Variants in CERS3 observed in about 807,000 individuals in gnomAD.
The protein encoded by CERS3 is LAG1 homolog, ceramide synthase 3.
CERS3 carries 33 observed loss-of-function variants against 50.3 expected under a neutral mutation model. The ratio of observed to expected loss-of-function variants is 0.66; its 90% CI spans 0.50 to 0.88. The LOEUF is 0.88. Ranked by LOEUF, CERS3 falls within the 40% of genes least tolerant of loss-of-function variation. CERS3 has a pLI of 0.00. For synonymous variants in CERS3, 176 were observed against 155.2 expected (o/e 1.13, Z -0.99); for missense variants, 470 against 460.3 (o/e 1.02, Z -0.19).
intron 11 of CERS3, among the ~76,000 whole-genome samples, chr15:100,407,891 G>A (rs2031176315): frequency 6.6e-6 from 1 of 152,060 alleles, no homozygotes; most frequent in African/African-American, 2.4e-5. Flanking sequence ...TTTATTTTGA[G>A]ACGGAGTTTT....
At chr15:100,497,947 G>A (rs113294303) in intron 3 of CERS3, among the ~76,000 whole-genome samples, 171 of 149,090 alleles carry the variant, frequency 1.1e-3, no homozygotes, top group African/African-American at 4.0e-3. Flanking sequence ...AGGCTGGAGT[G>A]CAGTGGCGTG....
chr15:100,480,009 C>T lies in CERS3; in HGVS notation c.445G>A (p.Gly149Arg). ...CTTACATCATAAAGAAACGCAATTC[C>T]AGCAACAGTGATCATTAAGTAAAAT... ...FAFYLMITVA[G>R]IAFLYDKPWL... The change falls in exon 6 of 12, where the codon GGA becomes AGA. Residue 149 changes from glycine to arginine, a missense_variant. Physicochemically the swap from Gly to Arg is moderately radical, Grantham distance 125. Coordinates refer to ENST00000679737, the MANE Select transcript of CERS3 (RefSeq NM_001378789.1). 2.5e-6 allele frequency: 4 copies of T among 1,610,098 alleles called. No individual in the cohort carries two copies. Among genetic ancestry groups the T allele is most frequent in the Non-Finnish European group, 3.4e-6 (4 of 1,178,330 alleles).
intron 3 of CERS3, among the ~76,000 whole-genome samples, chr15:100,496,081 A>G (rs1269287535): frequency 6.6e-6 from 1 of 152,204 alleles, no homozygotes. Flanking sequence ...AGGCTCACTC[A>G]TGTCACGGCA....
At chr15:100,434,993 T>C (rs1020417043) in intron 11 of CERS3, among the ~76,000 whole-genome samples, 1 of 152,184 alleles carries the variant, frequency 6.6e-6, no homozygotes, top group African/African-American at 2.4e-5. Context: ...CAGCAAGACA[T>C]GGTCTGTGGT....
At chr15:100,431,838 T>C (rs1017038799) in intron 11 of CERS3, among the ~76,000 whole-genome samples, 4 of 152,230 alleles carry the variant, frequency 2.6e-5, no homozygotes, top group South Asian at 2.1e-4. Flanking sequence ...TAGTTAGCTG[T>C]AGTCAACATA....
In CERS3 at chr15:100,489,236, G is replaced by A. The variant is rs919648891; in HGVS notation, c.288+1581C>T. On this transcript the variant is annotated intron_variant, in intron 4 of 11. Coordinates refer to ENST00000679737, the MANE Select transcript of CERS3 (RefSeq NM_001378789.1). ...ACAGATAAAGAACTCACTGTAGCATGGTGGAAAGGTCACTGGACTGGAAGT... is the reference window on the plus strand; with the variant it reads ...ACAGATAAAGAACTCACTGTAGCATAGTGGAAAGGTCACTGGACTGGAAGT... Among the ~76,000 whole-genome samples, 50 of 152,192 alleles carry A rather than the reference G, an allele frequency of 3.3e-4. 1 individual carries two copies.
rs550358137 is a variant in CERS3, at chr15:100,471,211, T to A, written c.738+1713A>T. ...TTTGCCCATGAGGGAACCTCTAAGA[T>A]TGGACAGTTCATTTTTCTTCTTCTT... On this transcript the variant is annotated intron_variant, in intron 9 of 11. Transcript: ENST00000679737. 1.2e-4 allele frequency among the ~76,000 whole-genome samples: 18 copies of A among 152,272 alleles called. No homozygotes were observed. The South Asian group carries it at 1.2e-3, about 11-fold the overall frequency.
At chr15:100,444,114 C>T (rs1174540751) in intron 11 of CERS3, among the ~76,000 whole-genome samples, 3 of 152,176 alleles carry the variant, frequency 2.0e-5, no homozygotes, top group African/African-American at 7.2e-5. Context: ...AACAACTTGA[C>T]CTTACTGTTT....
chr15:100,481,388 A>G (rs2035296120), intron 5 of CERS3, among the ~76,000 whole-genome samples: 1 of 152,256 alleles, frequency 6.6e-6, no homozygotes, highest in Non-Finnish European at 1.5e-5. Context: ...ACATTTTACA[A>G]AATGAAAGTT....
intron 1 of CERS3, among the ~76,000 whole-genome samples, chr15:100,539,742 T>G (rs1229356900): frequency 6.6e-6 from 1 of 152,190 alleles, no homozygotes; most frequent in East Asian, 1.9e-4. Flanking sequence ...CCATATCAGG[T>G]AGGCTTGGTC....
At chr15:100,468,866 G>C (rs776216468) in intron 10 of CERS3, among the ~76,000 whole-genome samples, 3 of 152,162 alleles carry the variant, frequency 2.0e-5, no homozygotes, top group Admixed American at 6.5e-5. Flanking sequence ...AGTGGTCATA[G>C]AGAATGAAAT....
chr15:100,423,420 G>A (rs182043272), intron 11 of CERS3, among the ~76,000 whole-genome samples: 2 of 152,298 alleles, frequency 1.3e-5, no homozygotes, highest in African/African-American at 4.8e-5. Flanking sequence ...CATATACACT[G>A]TGAAATGCTA....
chr15:100,507,012 A>G (rs1285691633), intron 2 of CERS3, among the ~76,000 whole-genome samples: 1 of 152,102 alleles, frequency 6.6e-6, no homozygotes, highest in Admixed American at 6.6e-5. Flanking sequence ...TAACCTTTAC[A>G]CCTTTTAATC....
chr15:100,533,159 A>T (rs1169911587), upstream of CERS3, among the ~76,000 whole-genome samples: 1 of 152,198 alleles, frequency 6.6e-6, no homozygotes, highest in East Asian at 1.9e-4. Context: ...CGGGAGGACA[A>T]CTGCTTTCCT....
chr15:100,467,566 GCCA>G (rs1471444300), intron 10 of CERS3, among the ~76,000 whole-genome samples: 2 of 151,808 alleles, frequency 1.3e-5, no homozygotes, highest in Non-Finnish European at 2.9e-5. Context: ...GCTGTCTTAA[GCCA>G]CTAGACTTTT....
At chr15:100,496,213 G>T (rs951235384) in intron 3 of CERS3, among the ~76,000 whole-genome samples, 1 of 152,222 alleles carries the variant, frequency 6.6e-6, no homozygotes, top group Middle Eastern at 3.4e-3. Flanking sequence ...GCATATATCT[G>T]CACAAATTCT....
At chr15:100,470,817 C>T (rs191652222) in intron 9 of CERS3, among the ~76,000 whole-genome samples, 9 of 152,140 alleles carry the variant, frequency 5.9e-5, no homozygotes, top group South Asian at 2.1e-4. Flanking sequence ...AGGTCACTTA[C>T]GAGTGAGAGT....
intron 11 of CERS3, among the ~76,000 whole-genome samples, chr15:100,450,382 C>T (rs1258764581): frequency 2.9e-5 from 4 of 137,176 alleles, no homozygotes; most frequent in African/African-American, 1.1e-4. Context: ...CGTGCCACTG[C>T]ACTCCAGCCT....
chr15:100,486,774 G>A (rs2035498113), intron 4 of CERS3, among the ~76,000 whole-genome samples: 1 of 152,214 alleles, frequency 6.6e-6, no homozygotes, highest in Non-Finnish European at 1.5e-5. Flanking sequence ...GATTTAAAGA[G>A]TCTCTAAGCA....
Sources: allele counts gnomAD v4.1 joint callset (sites outside exome capture counted in the v4.1 genomes callset), GRCh38; gene constraint gnomAD v4.1.1; transcripts MANE v1.5; gene names NCBI Gene and HGNC (gene_info 2026-07-23, HGNC 2026-07-21).